Variants in IL1RAPL1 observed in about 807,000 individuals in gnomAD.
IL1RAPL1 encodes the protein interleukin-1 receptor accessory protein-like 1.
A neutral mutation model predicts 48.4 loss-of-function variants in IL1RAPL1; 3 were observed. That is an observed-to-expected ratio of 0.06 (90% CI 0.03 to 0.16). The LOEUF (loss-of-function observed/expected upper bound fraction) is 0.16. IL1RAPL1 is among the 10% of genes least tolerant of loss of function. IL1RAPL1 has a pLI of 1.00. For missense variants in IL1RAPL1, 349 were observed against 530.6 expected (o/e 0.66, Z 3.36); for synonymous variants, 185 against 187.7 (o/e 0.99, Z 0.12).
intron 1 of IL1RAPL1, among the ~76,000 whole-genome samples, chrX:28,719,018 C>T (rs1217193935): frequency 1.8e-5 from 2 of 110,995 alleles, no homozygotes; most frequent in Non-Finnish European, 3.8e-5. Flanking sequence ...TCATAAGGAT[C>T]GCCTCAACTT....
chrX:29,774,246 A>G (rs1444917628), intron 6 of IL1RAPL1, among the ~76,000 whole-genome samples: 1 of 110,691 alleles, frequency 9.0e-6, no homozygotes, highest in Non-Finnish European at 1.9e-5. Flanking sequence ...TATCCCAGAA[A>G]GAAGTGTACT....
intron 2 of IL1RAPL1, among the ~76,000 whole-genome samples, chrX:29,168,903 T>A (rs1929855244): frequency 1.1e-5 from 1 of 93,767 alleles, no homozygotes; most frequent in African/African-American, 3.9e-5. Flanking sequence ...ATATGTACAA[T>A]TGTATATATA....
intron 5 of IL1RAPL1, among the ~76,000 whole-genome samples, chrX:29,605,697 G>A: frequency 8.9e-6 from 1 of 112,050 alleles, no homozygotes; most frequent in Non-Finnish European, 1.9e-5. Context: ...ATGGCTTTGA[G>A]ACATCAAGGG....
intron 6 of IL1RAPL1, among the ~76,000 whole-genome samples, chrX:29,885,182 A>AACAC (rs1932124043): frequency 8.9e-6 from 1 of 111,756 alleles, no homozygotes; most frequent in African/African-American, 3.2e-5. Flanking sequence ...TGCCTGCAAT[A>AACAC]ACACATCCTC....
chrX:29,533,926 C>T (rs1921130380), intron 5 of IL1RAPL1, among the ~76,000 whole-genome samples: 1 of 111,200 alleles, frequency 9.0e-6, no homozygotes, highest in Admixed American at 9.5e-5. Context: ...GAAGTGGGGC[C>T]TTTGGGAGGG....
chrX:28,719,363 G>C lies in IL1RAPL1; in HGVS notation c.-24-69957G>C, dbSNP rs187212439. Among the ~76,000 whole-genome samples the C allele has an allele frequency of 7.6e-4, 85 of 111,197 alleles. 1 individual carries two copies. In the East Asian group the frequency reaches 0.015, roughly 20 times the overall value. ...TGGAAAGTAATTATTTGTTATTACTGTTATTATTATTAAGCATCTATTATG... is the reference window on the plus strand; with the variant it reads ...TGGAAAGTAATTATTTGTTATTACTCTTATTATTATTAAGCATCTATTATG... On this transcript the variant is annotated intron_variant, in intron 1 of 10. Coordinates refer to ENST00000378993, the MANE Select transcript of IL1RAPL1 (RefSeq NM_014271.4).
intron 1 of IL1RAPL1, among the ~76,000 whole-genome samples, chrX:28,787,592 A>G (rs1936487962): frequency 8.9e-6 from 1 of 111,785 alleles, no homozygotes; most frequent in Non-Finnish European, 1.9e-5. Flanking sequence ...GCTATTACAA[A>G]TTCACTGATT....
chrX:29,862,864 G>A (rs906746703), intron 6 of IL1RAPL1, among the ~76,000 whole-genome samples: 13 of 106,287 alleles, frequency 1.2e-4, no homozygotes, highest in Non-Finnish European at 2.5e-4. Flanking sequence ...AGACTCTCCC[G>A]AAAACTGATT....
rs749109067 is a variant in IL1RAPL1 at position 29,282,882 on chromosome X, A to AT, written c.83-48dup. The AT allele has an allele frequency of 8.1e-5, 91 of 1,124,569 alleles. 1 individual carries two copies. The East Asian group carries it at 1.9e-3, about 24-fold the overall frequency. 92.7% of individuals were successfully genotyped at this position (1,124,569 alleles called of 1,213,427 possible). A position where few individuals can be genotyped will look rare whatever the true frequency, so the allele number is the denominator to read the frequency against. On this transcript the variant is annotated intron_variant, in intron 2 of 10. Coordinates refer to ENST00000378993, the MANE Select transcript of IL1RAPL1 (RefSeq NM_014271.4). The stretch of plus-strand genomic sequence containing the variant: ...GGATGAATGAATAATCTAATTGCTT[A>AT]TTTTTTTTGCCTCTAATGTTTTTCC...
intron 5 of IL1RAPL1, among the ~76,000 whole-genome samples, chrX:29,582,272 C>T (rs1316535573): frequency 1.8e-5 from 2 of 110,938 alleles, no homozygotes; most frequent in Non-Finnish European, 3.8e-5. Context: ...AAATTGGAAA[C>T]TATGTAATTA....
chrX:28,679,264 A>G (rs1935031572), intron 1 of IL1RAPL1, among the ~76,000 whole-genome samples: 1 of 112,014 alleles, frequency 8.9e-6, no homozygotes, highest in Non-Finnish European at 1.9e-5. Flanking sequence ...AGAAATATCT[A>G]TTCAGATCCT....
At chrX:28,880,332 G>A (rs2147313480) in intron 2 of IL1RAPL1, among the ~76,000 whole-genome samples, 1 of 111,950 alleles carries the variant, frequency 8.9e-6, no homozygotes, top group East Asian at 2.8e-4. Context: ...CACAGTGCAG[G>A]AATTCCCTTG....
At chrX:29,364,630 A>G (rs1457048238) in intron 3 of IL1RAPL1, among the ~76,000 whole-genome samples, 1 of 110,262 alleles carries the variant, frequency 9.1e-6, no homozygotes, top group Non-Finnish European at 1.9e-5. Context: ...ACATGTACAG[A>G]TATTTTTCTT....
intron 2 of IL1RAPL1, among the ~76,000 whole-genome samples, chrX:28,898,248 T>C (rs994514676): frequency 7.1e-5 from 8 of 112,052 alleles, no homozygotes; most frequent in African/African-American, 2.6e-4. Flanking sequence ...CAGTGTCCTT[T>C]GAAACACAAG....
At chrX:29,919,703 G>A (rs935907597) in intron 7 of IL1RAPL1, among the ~76,000 whole-genome samples, 2 of 112,248 alleles carry the variant, frequency 1.8e-5, no homozygotes, top group African/African-American at 6.5e-5. Flanking sequence ...TATTATGACA[G>A]TGTGATTGTC....
chrX:29,389,179 A>G (rs1286193483), intron 3 of IL1RAPL1, among the ~76,000 whole-genome samples: 5 of 109,143 alleles, frequency 4.6e-5, no homozygotes, highest in Admixed American at 2.0e-4. Context: ...ACACGGTGAA[A>G]CCCCATCTCT....
intron 2 of IL1RAPL1, among the ~76,000 whole-genome samples, chrX:28,843,123 CTATT>C (rs1278001313): frequency 9.0e-6 from 1 of 110,738 alleles, no homozygotes; most frequent in Non-Finnish European, 1.9e-5. Flanking sequence ...TATGCAGCAT[CTATT>C]TATTTATTTC....
intron 6 of IL1RAPL1, among the ~76,000 whole-genome samples, chrX:29,740,685 G>A (rs1195359479): frequency 9.0e-6 from 1 of 111,532 alleles, no homozygotes; most frequent in Non-Finnish European, 1.9e-5. Context: ...TCATCTCTTT[G>A]TATCTGCCTT....
chrX:29,632,023 C>G (rs1471252693), intron 5 of IL1RAPL1, among the ~76,000 whole-genome samples: 4 of 111,764 alleles, frequency 3.6e-5, no homozygotes, highest in Non-Finnish European at 7.5e-5. Flanking sequence ...CAAGCCCTTT[C>G]TCACCTTACT....
Sources: gnomAD v4.1 joint callset for allele counts (sites outside exome capture counted in the v4.1 genomes callset) on GRCh38, gnomAD v4.1.1 for gene constraint, MANE v1.5 for transcripts, NCBI Gene and HGNC (gene_info 2026-07-23, HGNC 2026-07-21) for gene names.